TACR3: variants seen among roughly 807,000 people sequenced by gnomAD.
The protein encoded by TACR3 is tachykinin receptor 3, also known as neuromedin-K receptor.
In TACR3, 34 loss-of-function variants were observed where a neutral mutation model predicts 35.0. The ratio of observed to expected loss-of-function variants is 0.97; its 90% CI spans 0.74 to 1.30. The LOEUF (loss-of-function observed/expected upper bound fraction) is 1.30. Among genes scored for constraint, TACR3 ranks in the 50% most tolerant of loss-of-function variants. TACR3 has a pLI of 0.00. For missense variants in TACR3, 558 were observed against 591.7 expected (o/e 0.94, Z 0.59); for synonymous variants, 233 against 221.1 (o/e 1.05, Z -0.48).
chr4:103,652,606 G>T (rs1480966833), intron 3 of TACR3, among the ~76,000 whole-genome samples: 1 of 152,060 alleles, frequency 6.6e-6, no homozygotes, highest in Non-Finnish European at 1.5e-5. Context: ...TGTTACATTG[G>T]TGTCCTTCTG....
intron 1 of TACR3, among the ~76,000 whole-genome samples, chr4:103,714,131 T>A (rs1341577470): frequency 1.3e-5 from 2 of 152,186 alleles, no homozygotes; most frequent in South Asian, 2.1e-4. Context: ...TTTGTTCTTT[T>A]TACACTGGGG....
chr4:103,603,684 A>G (rs574917482), intron 3 of TACR3, among the ~76,000 whole-genome samples: 1 of 152,294 alleles, frequency 6.6e-6, no homozygotes, highest in African/African-American at 2.4e-5. Flanking sequence ...TTGGGTATAT[A>G]CCCAGTAATG....
chr4:103,689,306 C>T (rs1016825737), intron 1 of TACR3, among the ~76,000 whole-genome samples: 8 of 150,550 alleles, frequency 5.3e-5, no homozygotes, highest in Admixed American at 1.3e-4. Flanking sequence ...TGCTAGATGA[C>T]GAGTTAGTGG....
chr4:103,677,469 A>G (rs926341667), intron 1 of TACR3, among the ~76,000 whole-genome samples: 53 of 152,206 alleles, frequency 3.5e-4, no homozygotes, highest in African/African-American at 1.2e-3. Context: ...AATGCCCATC[A>G]GCAATAGACT....
At chr4:103,696,098 G>T in intron 1 of TACR3, among the ~76,000 whole-genome samples, 1 of 151,974 alleles carries the variant, frequency 6.6e-6, no homozygotes, top group East Asian at 1.9e-4. Context: ...ATATCAACGA[G>T]CTAAATAGTG....
At chr4:103,716,602 G>A (rs948252395) in intron 1 of TACR3, among the ~76,000 whole-genome samples, 6 of 152,160 alleles carry the variant, frequency 3.9e-5, no homozygotes, top group African/African-American at 9.6e-5. Flanking sequence ...AGATACAGGC[G>A]TTCATTGAGG....
At chr4:103,632,715 G>A (rs558417612) in intron 3 of TACR3, among the ~76,000 whole-genome samples, 2 of 151,796 alleles carry the variant, frequency 1.3e-5, no homozygotes, top group East Asian at 1.9e-4. Context: ...ACTGAAAGCT[G>A]GATGAAAGCT....
In TACR3 at chr4:103,637,870, C is replaced by T. The variant is rs560178001; in HGVS notation, c.888+18324G>A. On this transcript the variant is annotated intron_variant, in intron 3 of 4. Transcript: ENST00000304883. The stretch of plus-strand genomic sequence containing the variant: ...CAAAGAGAATAAAAAACCTAGGGAT[C>T]CAACTTACCAGGGATGTGAAGGACC... Among the ~76,000 whole-genome samples the T allele has an allele frequency of 5.3e-5, 8 of 152,154 alleles. No homozygotes were observed. The South Asian group carries it at 1.2e-3, about 24-fold the overall frequency.
chr4:103,650,069 G>A (rs1292215623), intron 3 of TACR3, among the ~76,000 whole-genome samples: 3 of 152,064 alleles, frequency 2.0e-5, no homozygotes, highest in Non-Finnish European at 4.4e-5. Flanking sequence ...ACCTAGTAAG[G>A]CTGTGGTTCT....
chr4:103,590,273 A>G (rs1723865059), intron 4 of TACR3, among the ~76,000 whole-genome samples: 1 of 152,226 alleles, frequency 6.6e-6, no homozygotes, highest in African/African-American at 2.4e-5. Flanking sequence ...AATGCATAGC[A>G]TCAGGTAATC....
chr4:103,625,706 G>A (rs546916631), intron 3 of TACR3, among the ~76,000 whole-genome samples: 1 of 152,136 alleles, frequency 6.6e-6, no homozygotes, highest in East Asian at 1.9e-4. Flanking sequence ...GAGGTGACTT[G>A]GATCAAAGAG....
chr4:103,682,890 G>A (rs114450151), intron 1 of TACR3, among the ~76,000 whole-genome samples: 1 of 152,072 alleles, frequency 6.6e-6, no homozygotes, highest in Admixed American at 6.6e-5. Context: ...TTTAAAGCCA[G>A]CAACGAAGAA....
chr4:103,678,916 C>T (rs1726230654), intron 1 of TACR3, among the ~76,000 whole-genome samples: 1 of 151,594 alleles, frequency 6.6e-6, no homozygotes, highest in Non-Finnish European at 1.5e-5. Flanking sequence ...TCATGGGAGG[C>T]AAATGACTTA....
intron 1 of TACR3, among the ~76,000 whole-genome samples, chr4:103,681,955 A>C (rs370111526): frequency 6.6e-6 from 1 of 152,164 alleles, no homozygotes; most frequent in East Asian, 1.9e-4. Context: ...GGAAAGAGAA[A>C]AATTTCCAAA....
At chr4:103,697,708 G>A (rs979897891) in intron 1 of TACR3, among the ~76,000 whole-genome samples, 41 of 152,278 alleles carry the variant, frequency 2.7e-4, no homozygotes, top group African/African-American at 8.2e-4. Flanking sequence ...GCAGGCATGA[G>A]CCACTGCGCC....
rs558612447 is a variant in TACR3 at position 103,641,434 on chromosome 4, C to T, written c.888+14760G>A. On this transcript the variant is annotated intron_variant, in intron 3 of 4. Coordinates refer to ENST00000304883, the MANE Select transcript of TACR3 (RefSeq NM_001059.3). ...TTAAAACCGCAATGATATATTACCT[C>T]ACACCTGTTAGAATGGCTATTTAAA... Among the ~76,000 whole-genome samples the T allele has an allele frequency of 5.3e-5, 8 of 152,098 alleles. No individual in the cohort carries two copies. The South Asian group carries it at 1.7e-3, about 31-fold the overall frequency.
At chr4:103,619,143 A>G (rs1277338668) in intron 3 of TACR3, among the ~76,000 whole-genome samples, 2 of 152,150 alleles carry the variant, frequency 1.3e-5, no homozygotes, top group Non-Finnish European at 2.9e-5. Flanking sequence ...CAGAGACTAT[A>G]GGGTTTTCTA....
intron 1 of TACR3, among the ~76,000 whole-genome samples, chr4:103,679,112 T>A (rs1726234854): frequency 6.6e-6 from 1 of 152,070 alleles, no homozygotes; most frequent in African/African-American, 2.4e-5. Flanking sequence ...CATAAAGTGC[T>A]AACTGACATC....
At chr4:103,606,838 T>G (rs1044521755) in intron 3 of TACR3, among the ~76,000 whole-genome samples, 33 of 152,158 alleles carry the variant, frequency 2.2e-4, no homozygotes, top group African/African-American at 5.1e-4. Flanking sequence ...AATTGCCCTG[T>G]CCAGAACTTC....
Sources: gnomAD v4.1 joint callset for allele counts (sites outside exome capture counted in the v4.1 genomes callset) on GRCh38, gnomAD v4.1.1 for gene constraint, MANE v1.5 for transcripts, NCBI Gene and HGNC (gene_info 2026-07-23, HGNC 2026-07-21) for gene names.